Variants in TAFA5 observed in about 807,000 individuals in gnomAD.
TAFA5 encodes the protein TAFA chemokine like family member 5, also known as chemokine-like protein TAFA-5.
TAFA5 carries 6 observed loss-of-function variants against 15.3 expected under a neutral mutation model. The observed-to-expected ratio is 0.39, with a 90% confidence interval of 0.21 to 0.77. TAFA5 has a LOEUF of 0.77. TAFA5 is among the 30% of genes least tolerant of loss of function. TAFA5 has a pLI of 0.41. For synonymous variants in TAFA5, 103 were observed against 80.7 expected (o/e 1.28, Z -1.48); for missense variants, 161 against 193.1 (o/e 0.83, Z 0.98).
At chr22:48,499,273 A>C (rs1359199627) in intron 1 of TAFA5, among the ~76,000 whole-genome samples, 1 of 152,148 alleles carries the variant, frequency 6.6e-6, no homozygotes, top group Non-Finnish European at 1.5e-5. Context: ...ACACTCCCGC[A>C]CCGACGGCGG....
intron 1 of TAFA5, among the ~76,000 whole-genome samples, chr22:48,596,220 C>G (rs1924758595): frequency 6.6e-6 from 1 of 152,170 alleles, no homozygotes; most frequent in Non-Finnish European, 1.5e-5. Flanking sequence ...TCAGCAAAGG[C>G]AAGAAGCAGT....
In TAFA5 at chr22:48,711,916, G is replaced by A. The variant is rs113626977; in HGVS notation, c.390+4072G>A. ...GTGTGGCGCCACCAGAGTGTGGGTC[G>A]CCTAGCACGGGCGCTGGGCCTAAGG... On this transcript the variant is annotated intron_variant, in intron 3 of 3. Transcript: ENST00000402357. Among the ~76,000 whole-genome samples the A allele has an allele frequency of 2.4e-3, 371 of 152,326 alleles. 2 individuals are homozygous for A. Among genetic ancestry groups the A allele is most frequent in the African/African-American group, 8.4e-3 (351 of 41,566 alleles).
At chr22:48,694,812 A>ACCC (rs1928656120) in intron 2 of TAFA5, among the ~76,000 whole-genome samples, 3 of 31,546 alleles carry the variant, frequency 9.5e-5, no homozygotes, top group African/African-American at 3.9e-4. Flanking sequence ...CTCCGCCCCC[A>ACCC]CCCGCCGCCG....
rs529498759 is a variant in TAFA5, at chr22:48,721,442, G to A, written c.390+13598G>A. On this transcript the variant is annotated intron_variant, in intron 3 of 3. Transcript: ENST00000402357. Reference sequence around the variant, plus strand: ...GGTCCTCACCAGAGCCGTTGGAACCGGTGCCACTGTCTGATTCCAAGTCTC... The same window carrying A: ...GGTCCTCACCAGAGCCGTTGGAACCAGTGCCACTGTCTGATTCCAAGTCTC... Among the ~76,000 whole-genome samples, 21 of 152,312 alleles carry A rather than the reference G, an allele frequency of 1.4e-4. No homozygotes were observed. In the East Asian group the frequency reaches 1.7e-3, roughly 13 times the overall value.
chr22:48,610,737 C>T (rs960492308), intron 1 of TAFA5, among the ~76,000 whole-genome samples: 7 of 152,180 alleles, frequency 4.6e-5, no homozygotes, highest in Admixed American at 1.3e-4. Context: ...CTCCGCCTTG[C>T]AGAGAATCTC....
Position 48,742,936 on chromosome 22 carries a change from A to G in TAFA5, c.391-6903A>G, listed in dbSNP as rs1370905664. ...CCCACAGTGCGGACATGTTGGGGCA[A>G]TGCTGCCTGGCCCCGCCCTCAGCCC... On this transcript the variant is annotated intron_variant, in intron 3 of 3. Transcript: ENST00000402357. This position sits in a 1 kb window ranked among gnomAD's most constrained non-coding sequence, Gnocchi z 6.2. Among the ~76,000 whole-genome samples the G allele has an allele frequency of 2.0e-5, 3 of 152,130 alleles. No individual in the cohort carries two copies. Among genetic ancestry groups the G allele is most frequent in the Non-Finnish European group, 4.4e-5 (3 of 68,010 alleles).
At chr22:48,597,218 C>T (rs558245218) in intron 1 of TAFA5, among the ~76,000 whole-genome samples, 15 of 152,354 alleles carry the variant, frequency 9.8e-5, no homozygotes, top group African/African-American at 2.9e-4. Context: ...AGCGTGTCCC[C>T]AGAGTGTCCC....
At chr22:48,669,038 A>G (rs9617491) in intron 2 of TAFA5, among the ~76,000 whole-genome samples, 53,533 of 152,084 alleles carry the variant, frequency 0.35, 9,814 homozygotes, top group Non-Finnish European at 0.41. Flanking sequence ...GCCCTCAGGA[A>G]TGGGATTAAT....
At chr22:48,664,353 G>A (rs891803465) in intron 2 of TAFA5, among the ~76,000 whole-genome samples, 31 of 152,276 alleles carry the variant, frequency 2.0e-4, no homozygotes, top group Middle Eastern at 3.4e-3. Flanking sequence ...GTCGTGTCTC[G>A]TGAAATGATC....
intron 3 of TAFA5, among the ~76,000 whole-genome samples, chr22:48,723,899 G>A (rs189636773): frequency 3.4e-4 from 52 of 152,212 alleles, no homozygotes; most frequent in African/African-American, 1.1e-3. Flanking sequence ...TCCACATGTG[G>A]TATCTTCCAG....
intron 2 of TAFA5, among the ~76,000 whole-genome samples, chr22:48,659,994 C>T (rs557209615): frequency 6.6e-6 from 1 of 152,200 alleles, no homozygotes; most frequent in Admixed American, 6.5e-5. Flanking sequence ...GGTTGCCTCC[C>T]TGTTCCTCCC....
intron 2 of TAFA5, among the ~76,000 whole-genome samples, chr22:48,698,274 G>A (rs567867884): frequency 5.9e-4 from 90 of 152,070 alleles, no homozygotes; most frequent in South Asian, 1.0e-3. Context: ...TCAGGAGTTC[G>A]AGACCAGCCT....
intron 1 of TAFA5, among the ~76,000 whole-genome samples, chr22:48,616,257 A>G (rs1156723580): frequency 6.6e-6 from 1 of 152,096 alleles, no homozygotes; most frequent in African/African-American, 2.4e-5. Flanking sequence ...GGTGGAATAC[A>G]TTCATACAGT....
intron 1 of TAFA5, among the ~76,000 whole-genome samples, chr22:48,604,592 G>C (rs1925090951): frequency 6.6e-6 from 1 of 152,206 alleles, no homozygotes; most frequent in Admixed American, 6.5e-5. Flanking sequence ...ACTGGCCTTG[G>C]GCCAGGTCCT....
intron 2 of TAFA5, among the ~76,000 whole-genome samples, chr22:48,700,380 C>T (rs888920099): frequency 3.3e-5 from 5 of 152,080 alleles, no homozygotes; most frequent in Non-Finnish European, 4.4e-5. Context: ...CTGACCTCGC[C>T]GGGGAGAGTG....
At position 48,598,789 on chromosome 22, in the gene TAFA5, C is replaced by A. The variant is rs1159527186; in HGVS notation, c.113-47808C>A. On this transcript the variant is annotated intron_variant, in intron 1 of 3. Transcript: ENST00000402357. The surrounding 1 kb of genome is among the most constrained non-coding windows in gnomAD (Gnocchi z 4.0). ...GCTCGGTCCCACAAGACTGCTCCCCCTTCAGATACCAAGTCCAAGTGCCAC... is the reference window on the plus strand; with the variant it reads ...GCTCGGTCCCACAAGACTGCTCCCCATTCAGATACCAAGTCCAAGTGCCAC... 6.6e-6 allele frequency among the ~76,000 whole-genome samples: 1 copy of A among 152,144 alleles called. No homozygotes were observed. Among genetic ancestry groups the A allele is most frequent in the African/African-American group, 2.4e-5 (1 of 41,434 alleles).
At position 48,679,674 on chromosome 22, in the gene TAFA5, G is replaced by A. The variant is rs1436901988; in HGVS notation, c.263-28043G>A. Among the ~76,000 whole-genome samples the A allele has an allele frequency of 9.6e-5, 8 of 83,632 alleles. 1 individual carries two copies. The highest frequency in any genetic ancestry group is 4.1e-4 in the East Asian group (1 of 2,468). The allele number at this position is 83,632 out of a possible 152,430, so 54.9% of individuals were successfully genotyped here. A position where few individuals can be genotyped will look rare whatever the true frequency, so the allele number is the denominator to read the frequency against. ...CGGGCTCCCCGTCCATCCCTCTCCC[G>A]TCTCCCCGTCCATCCCTCTCCCGTC... On this transcript the variant is annotated intron_variant, in intron 2 of 3. Transcript: ENST00000402357.
At chr22:48,711,658 T>C (rs2147254278) in intron 3 of TAFA5, among the ~76,000 whole-genome samples, 1 of 152,280 alleles carries the variant, frequency 6.6e-6, no homozygotes, top group Middle Eastern at 3.4e-3. Context: ...CATAAATTGG[T>C]TTTCTGCGAG....
intron 1 of TAFA5, among the ~76,000 whole-genome samples, chr22:48,500,408 G>C (rs1404839394): frequency 6.6e-6 from 1 of 152,238 alleles, no homozygotes; most frequent in African/African-American, 2.4e-5. Context: ...AACACCTCTA[G>C]TGTGTTTTCA....
Sources: allele counts gnomAD v4.1 joint callset (sites outside exome capture counted in the v4.1 genomes callset), GRCh38; gene constraint gnomAD v4.1.1; non-coding constraint Gnocchi (gnomAD v3.1); transcripts MANE v1.5; gene names NCBI Gene and HGNC (gene_info 2026-07-23, HGNC 2026-07-21).